The following GPRC5A variants were observed in gnomAD, a reference collection of about 807,000 sequenced individuals.
The protein encoded by GPRC5A is retinoic acid-induced protein 3.
GPRC5A carries 19 observed loss-of-function variants against 22.5 expected under a neutral mutation model. The observed-to-expected ratio is 0.85, with a 90% CI of 0.59 to 1.24. GPRC5A has a LOEUF of 1.24. GPRC5A is among the 50% of genes most tolerant of loss of function. The pLI, the probability that GPRC5A is intolerant of heterozygous loss-of-function variation, is 0.00. For missense variants in GPRC5A, 471 were observed against 451.1 expected (o/e 1.04, Z -0.40); for synonymous variants, 192 against 184.5 (o/e 1.04, Z -0.33).
Position 12,913,380 on chromosome 12 carries a change from C to T in GPRC5A, c.*841C>T, listed in dbSNP as rs1005387749. Reference sequence around the variant, plus strand: ...GCTGTCAATTCCGAGATCTAATCTCCCCCTACGCTCTGCCAGGAATTCTTT... The same window carrying T: ...GCTGTCAATTCCGAGATCTAATCTCTCCCTACGCTCTGCCAGGAATTCTTT... On this transcript the variant is annotated 3_prime_UTR_variant, in exon 4 of 4. Coordinates refer to ENST00000014914, the MANE Select transcript of GPRC5A (RefSeq NM_003979.4). 6.6e-6 allele frequency: 1 copy of T among 152,506 alleles called. No individual in the cohort carries two copies. The highest frequency in any genetic ancestry group is 1.5e-5 in the Non-Finnish European group (1 of 68,090). 9.4% of individuals were successfully genotyped at this position (152,506 alleles called of 1,614,324 possible).
At position 12,917,241 on chromosome 12, in the gene GPRC5A, TGTGTG is replaced by T. The variant is rs1864073413; in HGVS notation, c.*4703_*4707del. The stretch of plus-strand genomic sequence containing the variant: ...GTGTGTGTGTGTGTGTGTGTGTGTG[TGTGTG>T]TGTGTGCGTGCGTGCGTGTATGTGC... On this transcript the variant is annotated 3_prime_UTR_variant, in exon 4 of 4. Coordinates refer to ENST00000014914, the MANE Select transcript of GPRC5A (RefSeq NM_003979.4). 8.0e-6 allele frequency: 1 copy of T among 124,492 alleles called. No homozygotes were observed. Among genetic ancestry groups the T allele is most frequent in the Non-Finnish European group, 1.7e-5 (1 of 60,606 alleles). The allele number at this position is 124,492 out of a possible 1,614,324, so 7.7% of individuals were successfully genotyped here. A position where few individuals can be genotyped will look rare whatever the true frequency, so the allele number is the denominator to read the frequency against.
In GPRC5A at chr12:12,908,405, C is replaced by T. The variant is rs145375299; in HGVS notation, c.156C>T (p.Leu52=). The T allele has an allele frequency of 1.9e-5, 30 of 1,614,094 alleles. 1 individual carries two copies. The African/African-American group carries it at 2.4e-4, about 13-fold the overall frequency. ...CCTTCATGCTCACTCTCCCGATCCT[C>T]GTCTGCAAGGTGCAGGACTCCAACA... The part of the protein sequence containing the change: ...SVAFMLTLPI[L]VCKVQDSNRR... The change falls in exon 2 of 4, where the codon CTC becomes CTT. Residue 52 remains leucine (L), a synonymous_variant. Coordinates refer to ENST00000014914, the MANE Select transcript of GPRC5A (RefSeq NM_003979.4).
At position 12,917,249 on chromosome 12, in the gene GPRC5A, TGTGCGTGC is replaced by T. The variant is rs879216409; in HGVS notation, c.*4718_*4725del. 0.016 allele frequency: 921 copies of T among 57,662 alleles called. 11 individuals are homozygous for T. The East Asian group carries it at 0.21, about 13-fold the overall frequency. The allele number at this position is 57,662 out of a possible 1,614,324, so 3.6% of individuals were successfully genotyped here. A position where few individuals can be genotyped will look rare whatever the true frequency, so the allele number is the denominator to read the frequency against. On this transcript the variant is annotated 3_prime_UTR_variant, in exon 4 of 4. Transcript: ENST00000014914. ...GTGTGTGTGTGTGTGTGTGTGTGTG[TGTGCGTGC>T]GTGCGTGTATGTGCGCCTGACCCTG...
rs563392948 is a variant in GPRC5A, at chr12:12,891,683, G to C, written c.-8+19G>C. The C allele has an allele frequency of 6.6e-6, 1 of 152,210 alleles. No homozygotes were observed. The highest frequency in any genetic ancestry group is 1.5e-5 in the Non-Finnish European group (1 of 68,062). 9.4% of individuals were successfully genotyped at this position (152,210 alleles called of 1,614,324 possible). A position where few individuals can be genotyped will look rare whatever the true frequency, so the allele number is the denominator to read the frequency against. ...CACTAGGGTAAGTGAGGCGCCAGGA[G>C]CCCAGAGCGCTGGGGCCTCCGGATT... On this transcript the variant is annotated intron_variant, in intron 1 of 3. Transcript: ENST00000014914.
rs1260491458 is a variant in GPRC5A, at chr12:12,917,039, C to T, written c.*4500C>T. 1 of 152,120 alleles carries T rather than the reference C, an allele frequency of 6.6e-6. No homozygotes were observed. The highest frequency in any genetic ancestry group is 1.5e-5 in the Non-Finnish European group (1 of 68,052). The allele number at this position is 152,120 out of a possible 1,614,324, so 9.4% of individuals were successfully genotyped here. A position where few individuals can be genotyped will look rare whatever the true frequency, so the allele number is the denominator to read the frequency against. ...GGCAGCTTCAGAAAAAAATCCTTCT[C>T]GTGTGTTGACTGCTGAGATCCAGGA... On this transcript the variant is annotated 3_prime_UTR_variant, in exon 4 of 4. Transcript: ENST00000014914.
intron 1 of GPRC5A, among the ~76,000 whole-genome samples, chr12:12,893,033 G>A (rs1863780223): frequency 6.6e-6 from 1 of 152,240 alleles, no homozygotes; most frequent in South Asian, 2.1e-4. Flanking sequence ...CTCCAAGGGC[G>A]TGGAGAGGTG....
Position 12,914,934 on chromosome 12 carries a change from T to C in GPRC5A, c.*2395T>C, listed in dbSNP as rs934581404. 10 of 151,940 alleles carry C rather than the reference T, an allele frequency of 6.6e-5. 1 individual carries two copies. Among genetic ancestry groups the C allele is most frequent in the Non-Finnish European group, 1.5e-5 (1 of 68,042 alleles). 9.4% of individuals were successfully genotyped at this position (151,940 alleles called of 1,614,324 possible). A position where few individuals can be genotyped will look rare whatever the true frequency, so the allele number is the denominator to read the frequency against. On this transcript the variant is annotated 3_prime_UTR_variant, in exon 4 of 4. Coordinates refer to ENST00000014914, the MANE Select transcript of GPRC5A (RefSeq NM_003979.4). ...CATGCCCAGCCTCCTTTCCATCTTTTCTTTCCTTCTCTGGTCTTCATACTA... is the reference window on the plus strand; with the variant it reads ...CATGCCCAGCCTCCTTTCCATCTTTCCTTTCCTTCTCTGGTCTTCATACTA...
chr12:12,895,536 T>G (rs1415412482), intron 1 of GPRC5A, among the ~76,000 whole-genome samples: 3 of 152,092 alleles, frequency 2.0e-5, no homozygotes, highest in African/African-American at 7.2e-5. Context: ...ACTGAGTAGA[T>G]GGTAGTGCCA....
In GPRC5A at chr12:12,915,702, G is replaced by A. The variant is rs1397001303; in HGVS notation, c.*3163G>A. On this transcript the variant is annotated 3_prime_UTR_variant, in exon 4 of 4. Transcript: ENST00000014914. ...AGACAGGGTTTCACTATATGGGCCA[G>A]GCAGATCTCGAACTCCAAACCTCGT... 3.4e-6 allele frequency: 1 copy of A among 291,892 alleles called. No individual in the cohort carries two copies. 18.1% of individuals were successfully genotyped at this position (291,892 alleles called of 1,614,324 possible).
chr12:12,900,891 C>CAAAAAAAAAAA (rs756416857), intron 1 of GPRC5A, among the ~76,000 whole-genome samples: 46 of 21,480 alleles, frequency 2.1e-3, no homozygotes, highest in Non-Finnish European at 3.1e-3. Flanking sequence ...AACTCCGTCT[C>CAAAAAAAAAAA]AAAAAAAAAA....
intron 2 of GPRC5A, among the ~76,000 whole-genome samples, chr12:12,911,001 G>C (rs1863998175): frequency 6.6e-6 from 1 of 151,766 alleles, no homozygotes; most frequent in African/African-American, 2.4e-5. Flanking sequence ...CTCCCGAGTA[G>C]CTGGGATTAC....
rs748865187 is a variant in GPRC5A at position 12,908,412 on chromosome 12, A to G, written c.163A>G (p.Lys55Glu). ...FMLTLPILVC[K>E]VQDSNRRKML... Reference sequence around the variant, plus strand: ...GCTCACTCTCCCGATCCTCGTCTGCAAGGTGCAGGACTCCAACAGGCGAAA... The same window carrying G: ...GCTCACTCTCCCGATCCTCGTCTGCGAGGTGCAGGACTCCAACAGGCGAAA... The change falls in exon 2 of 4, where the codon AAG becomes GAG. Residue 55 changes from lysine to glutamate, a missense_variant. Transcript: ENST00000014914. The G allele has an allele frequency of 4.3e-6, 7 of 1,614,158 alleles. No individual in the cohort carries two copies. Among genetic ancestry groups the G allele is most frequent in the Non-Finnish European group, 4.2e-6 (5 of 1,180,024 alleles).
chr12:12,912,196 T>G, intron 3 of GPRC5A, 54 bp downstream of exon 3: 1 of 1,251,462 alleles, frequency 8.0e-7, no homozygotes, highest in Non-Finnish European at 1.2e-6. Context: ...TCAGGAACAC[T>G]GATCCTTTGG....
intron 2 of GPRC5A, chr12:12,909,665 G>A (rs1246213474): frequency 6.5e-6 from 1 of 153,968 alleles, no homozygotes; most frequent in East Asian, 1.9e-4. Context: ...GAGCAGAGAA[G>A]GGAGAAAGCC....
chr12:12,900,908 AAAAAAC>A (rs1205711522), intron 1 of GPRC5A, among the ~76,000 whole-genome samples: 60 of 118,284 alleles, frequency 5.1e-4, no homozygotes, highest in East Asian at 2.2e-3. Context: ...AAAAAAAAAA[AAAAAAC>A]AAAAAAAAAA....
At position 12,916,146 on chromosome 12, in the gene GPRC5A, C is replaced by A. The variant is rs1014102456; in HGVS notation, c.*3607C>A. On this transcript the variant is annotated 3_prime_UTR_variant, in exon 4 of 4. Coordinates refer to ENST00000014914, the MANE Select transcript of GPRC5A (RefSeq NM_003979.4). Reference sequence around the variant, plus strand: ...AATCAAACTGGAGAACATTCCGAAGCCGTTCTTATAAGTGTCTCCATCTCT... The same window carrying A: ...AATCAAACTGGAGAACATTCCGAAGACGTTCTTATAAGTGTCTCCATCTCT... 2 of 172,098 alleles carry A rather than the reference C, an allele frequency of 1.2e-5. No individual in the cohort carries two copies. Among genetic ancestry groups the A allele is most frequent in the African/African-American group, 4.8e-5 (2 of 41,820 alleles). 10.7% of individuals were successfully genotyped at this position (172,098 alleles called of 1,614,324 possible).
chr12:12,903,410 A>G (rs528360927), intron 1 of GPRC5A, among the ~76,000 whole-genome samples: 36 of 152,264 alleles, frequency 2.4e-4, no homozygotes, highest in Non-Finnish European at 4.4e-4. Flanking sequence ...TCTCTCGAGT[A>G]GCTGGGACTA....
In GPRC5A at chr12:12,915,810, C is replaced by T. The variant is rs532168781; in HGVS notation, c.*3271C>T. On this transcript the variant is annotated 3_prime_UTR_variant, in exon 4 of 4. Transcript: ENST00000014914. ...GGATTACAGGCATGAGCCACCGCGC[C>T]CGGCCCCGTTGTTTCCCTTCTAAGA... 32 of 511,398 alleles carry T rather than the reference C, an allele frequency of 6.3e-5. No individual in the cohort carries two copies. The highest frequency in any genetic ancestry group is 1.3e-4 in the Non-Finnish European group (31 of 245,282). The allele number at this position is 511,398 out of a possible 1,614,324, so 31.7% of individuals were successfully genotyped here.
chr12:12,900,074 C>T (rs933719553), intron 1 of GPRC5A, among the ~76,000 whole-genome samples: 3 of 152,204 alleles, frequency 2.0e-5, no homozygotes, highest in African/African-American at 4.8e-5. Flanking sequence ...TTTTTCCCTG[C>T]ACAGTGGTCA....
Sources: gnomAD v4.1 joint callset for allele counts (sites outside exome capture counted in the v4.1 genomes callset) on GRCh38, gnomAD v4.1.1 for gene constraint, MANE v1.5 for transcripts, NCBI Gene and HGNC (gene_info 2026-07-23, HGNC 2026-07-21) for gene names.